FAM171A1: variants seen among roughly 807,000 people sequenced by gnomAD.
FAM171A1 encodes the protein family with sequence similarity 171 member A1.
Under a neutral mutation model 74.9 loss-of-function variants are expected in FAM171A1, and 23 were observed. That is an observed-to-expected ratio of 0.31 (90% CI 0.22 to 0.44). The LOEUF (loss-of-function observed/expected upper bound fraction) is 0.44. Among genes scored for constraint, FAM171A1 ranks in the 20% least tolerant of loss-of-function variants. The pLI is 1.00. For missense variants in FAM171A1, 1,162 were observed against 1,159.2 expected, an observed-to-expected ratio of 1.00 and a Z score of -0.03; for synonymous variants, 527 against 505.7, an observed-to-expected ratio of 1.04 and a Z score of -0.57.
At chr10:15,309,024 C>A (rs575826365) in intron 1 of FAM171A1, among the ~76,000 whole-genome samples, 38 of 152,198 alleles carry the variant, frequency 2.5e-4, no homozygotes, top group African/African-American at 3.6e-4. Context: ...CTTAAAAAAA[C>A]CAAATAAAAT....
intron 1 of FAM171A1, among the ~76,000 whole-genome samples, chr10:15,310,016 G>GTA (rs1333080961): frequency 2.0e-5 from 3 of 152,184 alleles, no homozygotes; most frequent in Non-Finnish European, 1.5e-5. Flanking sequence ...GTCTTTGGGT[G>GTA]TAGGACGCAC....
At chr10:15,304,137 AC>A (rs1272202853) in intron 1 of FAM171A1, among the ~76,000 whole-genome samples, 3 of 152,184 alleles carry the variant, frequency 2.0e-5, no homozygotes, top group African/African-American at 7.2e-5. Context: ...ATAATCCTCA[AC>A]CCTTCATTCT....
chr10:15,346,765 G>A (rs1015428970), intron 1 of FAM171A1, among the ~76,000 whole-genome samples: 4 of 152,212 alleles, frequency 2.6e-5, no homozygotes, highest in African/African-American at 9.7e-5. Context: ...AAAGCCCTGT[G>A]AACTAGGAAG....
upstream of FAM171A1, among the ~76,000 whole-genome samples, chr10:15,371,391 G>A (rs1466190269): frequency 3.5e-5 from 5 of 144,236 alleles, no homozygotes; most frequent in African/African-American, 1.2e-4. Flanking sequence ...GCCCCCGCCC[G>A]GCGCCGCTGC....
chr10:15,335,809 G>A (rs752529469), intron 1 of FAM171A1, among the ~76,000 whole-genome samples: 14 of 152,142 alleles, frequency 9.2e-5, no homozygotes, highest in Non-Finnish European at 2.1e-4. Context: ...AAAAATGTGT[G>A]TATACTGATG....
At chr10:15,247,893 G>A (rs1274834920) in intron 5 of FAM171A1, among the ~76,000 whole-genome samples, 9 of 152,166 alleles carry the variant, frequency 5.9e-5, no homozygotes, top group South Asian at 2.1e-4. Flanking sequence ...GTCAACAGCC[G>A]GCAAGGAAGT....
chr10:15,333,135 A>G (rs1332882427), intron 1 of FAM171A1, among the ~76,000 whole-genome samples: 1 of 152,172 alleles, frequency 6.6e-6, no homozygotes, highest in Non-Finnish European at 1.5e-5. Context: ...CTCCCTTCAG[A>G]GTCCACTCAA....
rs7922834 is a variant in FAM171A1, at chr10:15,363,582, G to A, written c.97+7374C>T. On this transcript the variant is annotated intron_variant, in intron 1 of 7. Transcript: ENST00000378116. ...AAGCCCAGAAATCGAGAAGGTTCAA[G>A]CTTCTCTGCAGCTTTAAGTTCAGTT... 4.3e-3 allele frequency among the ~76,000 whole-genome samples: 659 copies of A among 152,266 alleles called. 7 individuals are homozygous for A. The highest frequency in any genetic ancestry group is 0.015 in the African/African-American group (612 of 41,546).
chr10:15,222,826 C>T (rs756772912), intron 5 of FAM171A1, among the ~76,000 whole-genome samples: 11 of 152,248 alleles, frequency 7.2e-5, no homozygotes, highest in African/African-American at 1.2e-4. Flanking sequence ...CGGGCACCAG[C>T]GAGGGCTCGG....
intron 5 of FAM171A1, among the ~76,000 whole-genome samples, chr10:15,229,873 TCATCACCATCACCAC>T (rs1175334632): frequency 1.3e-4 from 5 of 37,586 alleles, no homozygotes; most frequent in South Asian, 1.7e-3. Flanking sequence ...CCCATCACCA[TCATCACCATCACCAC>T]CATCACCATC....
chr10:15,352,803 T>C (rs1835894169), intron 1 of FAM171A1, among the ~76,000 whole-genome samples: 1 of 152,220 alleles, frequency 6.6e-6, no homozygotes, highest in Non-Finnish European at 1.5e-5. Flanking sequence ...AAGAGGTGAA[T>C]GGGCTAAAAG....
chr10:15,356,233 A>AATAT (rs1554757575), intron 1 of FAM171A1, among the ~76,000 whole-genome samples: 1 of 150,238 alleles, frequency 6.7e-6, no homozygotes, highest in African/African-American at 2.4e-5. Context: ...TATATATATA[A>AATAT]ATACATACAT....
intron 1 of FAM171A1, among the ~76,000 whole-genome samples, chr10:15,307,857 G>A (rs901283842): frequency 2.0e-5 from 3 of 150,380 alleles, no homozygotes; most frequent in Admixed American, 6.6e-5. Context: ...TGCCCAGGCT[G>A]CAGTGCAGTG....
intron 1 of FAM171A1, among the ~76,000 whole-genome samples, chr10:15,306,694 G>A (rs370703854): frequency 6.6e-6 from 1 of 152,120 alleles, no homozygotes; most frequent in Non-Finnish European, 1.5e-5. Flanking sequence ...GGACTGTCAC[G>A]ACCATCAGAT....
At chr10:15,220,501 A>G (rs970918523) in intron 6 of FAM171A1, among the ~76,000 whole-genome samples, 5 of 152,222 alleles carry the variant, frequency 3.3e-5, no homozygotes, top group Admixed American at 6.5e-5. Context: ...ATACAAAGCA[A>G]CTGGTTTACG....
intron 3 of FAM171A1, among the ~76,000 whole-genome samples, chr10:15,271,912 A>AT (rs1418364235): frequency 6.6e-6 from 1 of 152,196 alleles, no homozygotes; most frequent in East Asian, 1.9e-4. Flanking sequence ...AACAACCAGT[A>AT]ACCAGCCACT....
chr10:15,229,711 TCAC>T (rs1249323368), intron 5 of FAM171A1, among the ~76,000 whole-genome samples: 1 of 111,154 alleles, frequency 9.0e-6, no homozygotes, highest in Non-Finnish European at 1.9e-5. Flanking sequence ...ATCATCATCA[TCAC>T]CACCATCACC....
chr10:15,257,824 G>A (rs1330578016), intron 3 of FAM171A1, among the ~76,000 whole-genome samples: 2 of 152,150 alleles, frequency 1.3e-5, no homozygotes, highest in African/African-American at 4.8e-5. Context: ...AAATAAAATC[G>A]AAAGATGGTA....
intron 6 of FAM171A1, among the ~76,000 whole-genome samples, chr10:15,220,505 G>T (rs1298002067): frequency 6.6e-6 from 1 of 152,160 alleles, no homozygotes; most frequent in East Asian, 1.9e-4. Context: ...AAAGCAACTG[G>T]TTTACGTTTA....
Sources: allele counts gnomAD v4.1 joint callset (sites outside exome capture counted in the v4.1 genomes callset), GRCh38; gene constraint gnomAD v4.1.1; transcripts MANE v1.5; gene names NCBI Gene and HGNC (gene_info 2026-07-23, HGNC 2026-07-21).